FAM177A1: variants seen among roughly 807,000 people sequenced by gnomAD.
FAM177A1 encodes the protein protein FAM177A1.
In FAM177A1, 22 loss-of-function variants were observed where a neutral mutation model predicts 26.1. That is an observed-to-expected ratio of 0.84 (90% CI 0.60 to 1.20). FAM177A1 has a LOEUF of 1.20. FAM177A1 is among the 50% of genes most tolerant of loss of function. FAM177A1 has a pLI of 0.00. For missense variants in FAM177A1, 296 were observed against 291.1 expected, an observed-to-expected ratio of 1.02 and a Z score of -0.12; for synonymous variants, 95 against 99.3, an observed-to-expected ratio of 0.96 and a Z score of 0.26.
chr14:35,059,340 G>GT (rs1011634148), intron 2 of FAM177A1, among the ~76,000 whole-genome samples: 17 of 151,660 alleles, frequency 1.1e-4, no homozygotes, highest in African/African-American at 3.4e-4. Context: ...GTTGGATCTT[G>GT]TTTTTTTTAA....
chr14:35,055,595 G>A (rs747623307), intron 2 of FAM177A1, among the ~76,000 whole-genome samples: 5 of 151,556 alleles, frequency 3.3e-5, no homozygotes, highest in East Asian at 2.0e-4. Context: ...CTCCACGCCC[G>A]GCTAATTTTT....
chr14:35,049,671 G>A (rs991390472), intron 1 of FAM177A1, among the ~76,000 whole-genome samples: 1 of 152,154 alleles, frequency 6.6e-6, no homozygotes, highest in African/African-American at 2.4e-5. Flanking sequence ...TGTAGTCCCA[G>A]CTACTCGGGA....
chr14:35,076,251 C>A (rs989154127), intron 2 of FAM177A1, among the ~76,000 whole-genome samples: 7 of 152,000 alleles, frequency 4.6e-5, no homozygotes, highest in South Asian at 2.1e-4. Flanking sequence ...ACCATGGAAT[C>A]CTATGCAGCC....
At position 35,065,823 on chromosome 14, in the gene FAM177A1, C is replaced by A. The variant is rs373968422; in HGVS notation, c.340-11327C>A. 2.0e-5 allele frequency among the ~76,000 whole-genome samples: 3 copies of A among 151,416 alleles called. No homozygotes were observed. In the East Asian group the frequency reaches 5.8e-4, roughly 29 times the overall value. On this transcript the variant is annotated intron_variant, in intron 2 of 4. Coordinates refer to ENST00000280987, the MANE Select transcript of FAM177A1 (RefSeq NM_173607.5). ...TCTCCTGTCTCAGCTTCCCGAGTAG[C>A]TGGGATTACAGGTACCTGCCACCAT...
chr14:35,075,867 T>C (rs2045386528), intron 2 of FAM177A1, among the ~76,000 whole-genome samples: 1 of 152,176 alleles, frequency 6.6e-6, no homozygotes, highest in Non-Finnish European at 1.5e-5. Flanking sequence ...TCACTGGCCA[T>C]CAGAGAAATG....
At chr14:35,060,437 C>A (rs1234147180) in intron 2 of FAM177A1, among the ~76,000 whole-genome samples, 1 of 151,996 alleles carries the variant, frequency 6.6e-6, no homozygotes, top group Non-Finnish European at 1.5e-5. Context: ...TTAAATCCAG[C>A]ATCTTGTCAG....
chr14:35,060,751 C>G (rs533342189), intron 2 of FAM177A1, among the ~76,000 whole-genome samples: 4 of 151,990 alleles, frequency 2.6e-5, no homozygotes, highest in African/African-American at 9.7e-5. Context: ...TACAGTAGTC[C>G]CCCCTTTATT....
At chr14:35,058,436 T>C (rs1026286882) in intron 2 of FAM177A1, among the ~76,000 whole-genome samples, 2 of 152,180 alleles carry the variant, frequency 1.3e-5, no homozygotes, top group African/African-American at 4.8e-5. Context: ...CTCCCTCTCT[T>C]TCTGTCAGAT....
At chr14:35,056,070 T>C (rs550513823) in intron 2 of FAM177A1, among the ~76,000 whole-genome samples, 62 of 152,354 alleles carry the variant, frequency 4.1e-4, no homozygotes, top group South Asian at 1.0e-3. Flanking sequence ...AGTCTGGCTC[T>C]GTCACCCAGA....
chr14:35,078,691 C>T (rs7154292), intron 3 of FAM177A1, among the ~76,000 whole-genome samples: 24,268 of 152,144 alleles, frequency 0.16, 2,125 homozygotes, highest in Middle Eastern at 0.22. Flanking sequence ...ATAACAGATA[C>T]ACCTAGTGAT....
intron 2 of FAM177A1, 41 bp downstream of exon 2, chr14:35,053,492 TTTTGA>T (rs771551387): frequency 2.1e-5 from 34 of 1,594,240 alleles, no homozygotes; most frequent in African/African-American, 4.1e-5. Context: ...GTGGGCTTTG[TTTTGA>T]TTTATTTTTT....
intron 1 of FAM177A1, 23 bp downstream of exon 1, chr14:35,046,651 A>G: frequency 6.6e-7 from 1 of 1,517,500 alleles, no homozygotes; most frequent in East Asian, 2.6e-5. Context: ...GCCGAGGCTG[A>G]CGTCCGGGGA....
chr14:35,071,935 T>G (rs144860637), intron 2 of FAM177A1, among the ~76,000 whole-genome samples: 180 of 152,332 alleles, frequency 1.2e-3, no homozygotes, highest in African/African-American at 4.2e-3. Context: ...ATATTTCTTA[T>G]GTTATATGTA....
rs953069563 is a variant in FAM177A1 at position 35,046,299 on chromosome 14, G to A, written c.-165G>A. The A allele has an allele frequency of 2.6e-6, 2 of 768,508 alleles. No homozygotes were observed. The highest frequency in any genetic ancestry group is 3.7e-5 in the African/African-American group (2 of 54,120). The allele number at this position is 768,508 out of a possible 1,614,324, so 47.6% of individuals were successfully genotyped here. On this transcript the variant is annotated 5_prime_UTR_variant, in exon 1 of 5. Transcript: ENST00000280987. ...ACTGCAGTTGGCCAGCTCTCGGGGT[G>A]CGGAGCCCGGCGGGCTAGGCGAGGC... is the stretch of plus-strand genomic sequence containing the variant.
At chr14:35,081,001 G>A (rs543556093) in intron 4 of FAM177A1, 21 bp from the exon 5 acceptor site, 2 of 1,544,150 alleles carry the variant, frequency 1.3e-6, no homozygotes, top group East Asian at 4.8e-5. Context: ...AACTATTCTT[G>A]ATATTGCTCC....
chr14:35,046,656 C>T, intron 1 of FAM177A1, 28 bp downstream of exon 1: 1 of 1,513,214 alleles, frequency 6.6e-7, no homozygotes, highest in Middle Eastern at 1.7e-4. Flanking sequence ...GGCTGACGTC[C>T]GGGGAGCCGA....
chr14:35,074,480 CA>C (rs1286469167), intron 2 of FAM177A1, among the ~76,000 whole-genome samples: 1 of 151,988 alleles, frequency 6.6e-6, no homozygotes, highest in East Asian at 1.9e-4. Context: ...TGCACGCCAC[CA>C]TGCCTGGCTA....
In FAM177A1 at chr14:35,081,529, C is replaced by T. The variant is rs1445567618; in HGVS notation, c.*301C>T. On this transcript the variant is annotated 3_prime_UTR_variant, in exon 5 of 5. Coordinates refer to ENST00000280987, the MANE Select transcript of FAM177A1 (RefSeq NM_173607.5). Reference sequence around the variant, plus strand: ...AGTTAAGAAGAGTTAAATTATCAAGCCTATTTGTGCATTTGCTTTTTTTGA... The same window carrying T: ...AGTTAAGAAGAGTTAAATTATCAAGTCTATTTGTGCATTTGCTTTTTTTGA... 5.2e-6 allele frequency: 1 copy of T among 193,022 alleles called. No individual in the cohort carries two copies. 12.0% of individuals were successfully genotyped at this position (193,022 alleles called of 1,614,324 possible).
At chr14:35,080,935 A>G in intron 4 of FAM177A1, 87 bp from the exon 5 acceptor site, 1 of 1,365,148 alleles carries the variant, frequency 7.3e-7, no homozygotes, top group Non-Finnish European at 9.5e-7. Flanking sequence ...TTTTTTTTAA[A>G]CATAAGCTGA....
Sources: gnomAD v4.1 joint callset for allele counts (sites outside exome capture counted in the v4.1 genomes callset) on GRCh38, gnomAD v4.1.1 for gene constraint, MANE v1.5 for transcripts, NCBI Gene and HGNC (gene_info 2026-07-23, HGNC 2026-07-21) for gene names.